Variants in USP47 observed in about 807,000 individuals in gnomAD.
The protein encoded by USP47 is ubiquitin specific peptidase 47.
In USP47, 35 loss-of-function variants were observed where a neutral mutation model predicts 165.1. That is an observed-to-expected ratio of 0.21 (90% confidence interval 0.16 to 0.28). The LOEUF is 0.28. Ranked by LOEUF, USP47 falls within the 10% of genes least tolerant of loss-of-function variation. USP47 has a pLI of 1.00. For synonymous variants in USP47, 531 were observed against 544.5 expected (o/e 0.98, Z 0.35); for missense variants, 1,277 against 1,607.4 (o/e 0.79, Z 3.52).
At chr11:11,887,755 CACA>C (rs1851256474) in intron 3 of USP47, among the ~76,000 whole-genome samples, 1 of 152,276 alleles carries the variant, frequency 6.6e-6, no homozygotes, top group Admixed American at 6.5e-5. Flanking sequence ...CTCCCCACCC[CACA>C]ACAACAGAAT....
rs550199531 is a variant in USP47 at position 11,916,328 on chromosome 11, A to C, written c.970-3828A>C. ...TGCAGAATTACATTTTGCATAATAT[A>C]TGGGGAGCAGTAAGATCTAGAATAT... On this transcript the variant is annotated intron_variant, in intron 8 of 27. Coordinates refer to ENST00000527733, the MANE Select transcript of USP47 (RefSeq NM_001282659.2). 3.1e-4 allele frequency among the ~76,000 whole-genome samples: 47 copies of C among 152,290 alleles called. No homozygotes were observed. The South Asian group carries it at 9.3e-3, about 30-fold the overall frequency.
intron 18 of USP47, among the ~76,000 whole-genome samples, 177 bp from the exon 19 acceptor site, chr11:11,940,252 T>C (rs1855372791): frequency 1.3e-5 from 2 of 152,186 alleles, no homozygotes; most frequent in South Asian, 4.1e-4. Flanking sequence ...CAGTATAATT[T>C]ATGGCTATAA....
intron 8 of USP47, among the ~76,000 whole-genome samples, chr11:11,908,497 T>C (rs1311659787): frequency 6.6e-6 from 1 of 152,022 alleles, no homozygotes; most frequent in Non-Finnish European, 1.5e-5. Context: ...TTGTTTTATC[T>C]TTATGGTCAA....
chr11:11,921,820 A>G lies in USP47; in HGVS notation c.1219-904A>G, dbSNP rs1272700365. Reference sequence around the variant, plus strand: ...ACAAGAAATGTTTTGGCTCAGCTGAAGAAGTTTCAGGAATTATATCTCTTT... The same window carrying G: ...ACAAGAAATGTTTTGGCTCAGCTGAGGAAGTTTCAGGAATTATATCTCTTT... On this transcript the variant is annotated intron_variant, in intron 10 of 27. Transcript: ENST00000527733. Among the ~76,000 whole-genome samples the G allele has an allele frequency of 2.0e-5, 3 of 152,044 alleles. 1 individual carries two copies. Among genetic ancestry groups the G allele is most frequent in the Middle Eastern group, 6.8e-3 (2 of 294 alleles).
At chr11:11,927,706 T>C (rs2134660556) in intron 11 of USP47, among the ~76,000 whole-genome samples, 1 of 152,248 alleles carries the variant, frequency 6.6e-6, no homozygotes, top group Non-Finnish European at 1.5e-5. Flanking sequence ...TGTTTGCTAG[T>C]ACCATGTTTG....
In USP47 at chr11:11,942,540, A is replaced by T; in HGVS notation, c.2519A>T (p.Lys840Ile). The stretch of plus-strand genomic sequence containing the variant: ...GTGGATGATGACTGTGAAAGAGTCA[A>T]AGGACCTGTAGGAAGCCTAAAGTCT... ...GNVDDDCERVKGPVGSLKSVE... is the reference protein window; with the variant it reads ...GNVDDDCERVIGPVGSLKSVE... The change falls in exon 20 of 28, where the codon AAA becomes ATA. Residue 840 changes from lysine (K) to isoleucine (I), a missense_variant. Physicochemically the swap from Lys to Ile is moderately radical, Grantham distance 102 (BLOSUM62 -3). Transcript: ENST00000527733. The T allele has an allele frequency of 6.2e-7, 1 of 1,613,660 alleles. No homozygotes were observed. The highest frequency in any genetic ancestry group is 1.1e-5 in the South Asian group (1 of 91,070).
intron 3 of USP47, among the ~76,000 whole-genome samples, chr11:11,890,009 T>C (rs1387744646): frequency 6.6e-6 from 1 of 152,060 alleles, no homozygotes; most frequent in Admixed American, 6.6e-5. Flanking sequence ...AGGCAGGAAA[T>C]TGAAACTGGA....
At chr11:11,946,140 C>G (rs765242212) in intron 20 of USP47, among the ~76,000 whole-genome samples, 1 of 152,140 alleles carries the variant, frequency 6.6e-6, no homozygotes, top group Non-Finnish European at 1.5e-5. Flanking sequence ...AATTAACACT[C>G]TTTGCCAAAG....
chr11:11,933,104 CAA>C lies in USP47; in HGVS notation c.1753_1754del (p.Asn585TyrfsTer20). The part of the protein sequence containing the change: ...QEKRQREIER[N>X]TCKIKLFCLH... The stretch of plus-strand genomic sequence containing the variant: ...AAAAGAGACAACGAGAAATTGAGCG[CAA>C]TACATGCAAGGTTGAATTCCATCAT... On this transcript the variant is annotated frameshift_variant, in exon 15 of 28. Coordinates refer to ENST00000527733, the MANE Select transcript of USP47 (RefSeq NM_001282659.2). LOFTEE classifies it high-confidence loss of function. The C allele has an allele frequency of 6.2e-7, 1 of 1,612,494 alleles. No homozygotes were observed. Among genetic ancestry groups the C allele is most frequent in the Non-Finnish European group, 8.5e-7 (1 of 1,179,186 alleles).
intron 3 of USP47, among the ~76,000 whole-genome samples, chr11:11,886,102 A>G (rs910671518): frequency 1.3e-5 from 2 of 152,208 alleles, no homozygotes; most frequent in African/African-American, 2.4e-5. Context: ...AAGGTCAGCA[A>G]CCTCTAAGAT....
Position 11,842,015 on chromosome 11 carries a change from T to TAAAAA in USP47, c.-171_-170insAAAAA. 1 of 713,450 alleles carries TAAAAA rather than the reference T, an allele frequency of 1.4e-6. No individual in the cohort carries two copies. The highest frequency in any genetic ancestry group is 3.1e-5 in the East Asian group (1 of 31,948). The allele number at this position is 713,450 out of a possible 1,614,324, so 44.2% of individuals were successfully genotyped here. A position where few individuals can be genotyped will look rare whatever the true frequency, so the allele number is the denominator to read the frequency against. On this transcript the variant is annotated 5_prime_UTR_variant, in exon 1 of 28. Coordinates refer to ENST00000527733, the MANE Select transcript of USP47 (RefSeq NM_001282659.2). ...AGCGGCGGCGGCGGCGGCGGAGCCC[T>TAAAAA]GGGTCGGTGTCTGCGCGCTGGTGTC...
chr11:11,902,201 G>T (rs944024074), intron 5 of USP47, among the ~76,000 whole-genome samples: 1 of 152,106 alleles, frequency 6.6e-6, no homozygotes, highest in Non-Finnish European at 1.5e-5. Context: ...GCTGTATATT[G>T]CAGTTGATTA....
At chr11:11,875,179 T>C (rs1453329985) in intron 1 of USP47, among the ~76,000 whole-genome samples, 1 of 152,108 alleles carries the variant, frequency 6.6e-6, no homozygotes, top group Non-Finnish European at 1.5e-5. Flanking sequence ...AAGCGGTACC[T>C]TCATAATTTT....
intron 14 of USP47, 86 bp downstream of exon 14, chr11:11,930,837 A>G: frequency 9.6e-7 from 1 of 1,036,902 alleles, no homozygotes; most frequent in Non-Finnish European, 1.4e-6. Flanking sequence ...AACTACTTTT[A>G]AATGATAGGA....
At chr11:11,917,771 A>G (rs1853535728) in intron 8 of USP47, among the ~76,000 whole-genome samples, 1 of 152,216 alleles carries the variant, frequency 6.6e-6, no homozygotes, top group South Asian at 2.1e-4. Flanking sequence ...ACAAAGGAAC[A>G]CAATAAATAT....
chr11:11,884,395 G>A, intron 2 of USP47, 72 bp from the exon 3 acceptor site: 5 of 1,056,426 alleles, frequency 4.7e-6, no homozygotes, highest in Non-Finnish European at 6.8e-6. Context: ...TTTAAATGTA[G>A]ATATGTATCT....
intron 3 of USP47, among the ~76,000 whole-genome samples, chr11:11,891,262 A>G (rs1374557059): frequency 6.6e-6 from 1 of 152,192 alleles, no homozygotes; most frequent in Non-Finnish European, 1.5e-5. Context: ...CCTTCTGTTT[A>G]ATGACGCTTT....
intron 8 of USP47, among the ~76,000 whole-genome samples, chr11:11,909,015 G>A (rs1053248156): frequency 6.6e-6 from 1 of 152,172 alleles, no homozygotes; most frequent in South Asian, 2.1e-4. Flanking sequence ...TTGTTTAAAT[G>A]TGTTTAACCT....
At chr11:11,904,876 A>G (rs537803226) in intron 7 of USP47, among the ~76,000 whole-genome samples, 1 of 152,268 alleles carries the variant, frequency 6.6e-6, no homozygotes, top group South Asian at 2.1e-4. Flanking sequence ...ACTGAAAGCT[A>G]AAAAGTTTGA....
Sources: allele counts gnomAD v4.1 joint callset (sites outside exome capture counted in the v4.1 genomes callset), GRCh38; gene constraint gnomAD v4.1.1; transcripts MANE v1.5; gene names NCBI Gene and HGNC (gene_info 2026-07-23, HGNC 2026-07-21).